TLK1: variants seen among roughly 807,000 people sequenced by gnomAD.
TLK1 encodes the protein serine/threonine-protein kinase tousled-like 1.
TLK1 carries 24 observed loss-of-function variants against 105.3 expected under a neutral mutation model. That is an observed-to-expected ratio of 0.23 (90% confidence interval 0.17 to 0.32). The LOEUF (loss-of-function observed/expected upper bound fraction) is 0.32. Ranked by LOEUF, TLK1 falls within the 10% of genes least tolerant of loss-of-function variation. The probability of loss-of-function intolerance (pLI) is 1.00; values close to 1 mark genes in which losing one functional copy is unlikely to be tolerated. For missense variants in TLK1, 558 were observed against 910.5 expected (o/e 0.61, Z 4.98); for synonymous variants, 321 against 310.4 (o/e 1.03, Z -0.36).
Position 171,053,773 on chromosome 2 carries a change from A to T in TLK1, c.720T>A (p.Asp240Glu), listed in dbSNP as rs1428709705. ...ACTCATTACTTACCCTGAGCAAATCATCTATACGTCCCTCCTTCTTTTCCA... is the reference window on the plus strand; with the variant it reads ...ACTCATTACTTACCCTGAGCAAATCTTCTATACGTCCCTCCTTCTTTTCCA... ...QDLEKKEGRI[D>E]DLLRANCDLR... The change falls in exon 8 of 21, where the codon GAT (aspartate) becomes GAA (glutamate). Residue 240 changes from aspartate (D) to glutamate (E), a missense_variant. By Grantham distance (45) the Asp-to-Glu change is conservative (BLOSUM62 2). This residue lies in a region of TLK1 where 196 missense variants were observed against 239.3 expected (regional missense o/e 0.82). Transcript: ENST00000431350. 1 of 1,606,660 alleles carries T rather than the reference A, an allele frequency of 6.2e-7. No individual in the cohort carries two copies. Among genetic ancestry groups the T allele is most frequent in the African/African-American group, 1.3e-5 (1 of 74,540 alleles).
At chr2:171,195,017 G>A (rs1322320711) in intron 1 of TLK1, among the ~76,000 whole-genome samples, 1 of 152,060 alleles carries the variant, frequency 6.6e-6, no homozygotes, top group Admixed American at 6.6e-5. Flanking sequence ...AATGCAGAAT[G>A]TCTGTGGCTG....
rs1683824102 is a variant in TLK1, at chr2:170,992,452, T to G, written c.*1328A>C. The G allele has an allele frequency of 6.6e-6, 1 of 152,612 alleles. No homozygotes were observed. Among genetic ancestry groups the G allele is most frequent in the South Asian group, 2.1e-4 (1 of 4,836 alleles). The allele number at this position is 152,612 out of a possible 1,614,324, so 9.5% of individuals were successfully genotyped here. ...TCCTGAAAAATATTGGTTTCTACCC[T>G]ACGAGGCAGTTAGAAAACGTTCACA... On this transcript the variant is annotated 3_prime_UTR_variant, in exon 21 of 21. Coordinates refer to ENST00000431350, the MANE Select transcript of TLK1 (RefSeq NM_012290.5).
chr2:171,036,886 G>A (rs189422850), intron 11 of TLK1, among the ~76,000 whole-genome samples: 1 of 152,230 alleles, frequency 6.6e-6, no homozygotes, highest in Non-Finnish European at 1.5e-5. Context: ...GTGAATCTTT[G>A]GGGGTCAGTA....
intron 1 of TLK1, among the ~76,000 whole-genome samples, chr2:171,225,553 C>G (rs1024058015): frequency 7.2e-5 from 11 of 152,148 alleles, no homozygotes; most frequent in African/African-American, 2.7e-4. Flanking sequence ...CTTTGGAAAA[C>G]AGTCTTGTAG....
chr2:171,198,461 A>G (rs974641490), intron 1 of TLK1, among the ~76,000 whole-genome samples: 2 of 152,238 alleles, frequency 1.3e-5, no homozygotes, highest in African/African-American at 4.8e-5. Context: ...TTCAATAGAA[A>G]TATTAGCCCA....
chr2:171,021,927 G>A (rs1372135635), intron 12 of TLK1, among the ~76,000 whole-genome samples: 2 of 151,716 alleles, frequency 1.3e-5, no homozygotes, highest in Admixed American at 6.6e-5. Flanking sequence ...GTGAAACCCC[G>A]TTTCTACTAA....
intron 18 of TLK1, among the ~76,000 whole-genome samples, chr2:171,005,844 C>T (rs1227767780): frequency 6.6e-6 from 1 of 152,112 alleles, no homozygotes; most frequent in Non-Finnish European, 1.5e-5. Flanking sequence ...GAACATCACG[C>T]TAACATTGTA....
intron 20 of TLK1, 117 bp downstream of exon 20, chr2:170,996,536 G>T: frequency 1.4e-6 from 1 of 737,104 alleles, no homozygotes; most frequent in Non-Finnish European, 2.2e-6. Flanking sequence ...CTGCTGGACA[G>T]ATCCCCTGCA....
chr2:170,992,816 A>C lies in TLK1; in HGVS notation c.*964T>G, dbSNP rs1432442395. 1.3e-5 allele frequency: 2 copies of C among 152,646 alleles called. No homozygotes were observed. Among genetic ancestry groups the C allele is most frequent in the Non-Finnish European group, 2.9e-5 (2 of 68,028 alleles). The allele number at this position is 152,646 out of a possible 1,614,324, so 9.5% of individuals were successfully genotyped here. ...CTTAAAAAAAATACAATATCCAATT[A>C]GAAAAGCCATATTTTAAACATTTGT... On this transcript the variant is annotated 3_prime_UTR_variant, in exon 21 of 21. Coordinates refer to ENST00000431350, the MANE Select transcript of TLK1 (RefSeq NM_012290.5).
At position 171,015,264 on chromosome 2, in the gene TLK1, G is replaced by A. The variant is rs938814369; in HGVS notation, c.1237-316C>T. On this transcript the variant is annotated intron_variant, in intron 12 of 20. Transcript: ENST00000431350. ...GTTGAAAACTGACATAACATAAAAT[G>A]AGCCATTTCTAGTCCATGCAAATTT... Among the ~76,000 whole-genome samples, 4 of 150,032 alleles carry A rather than the reference G, an allele frequency of 2.7e-5. No individual in the cohort carries two copies. In the Admixed American group the frequency reaches 2.7e-4, roughly 10 times the overall value.
At chr2:171,146,322 A>G (rs1358430216) in intron 1 of TLK1, among the ~76,000 whole-genome samples, 2 of 152,182 alleles carry the variant, frequency 1.3e-5, no homozygotes, top group Non-Finnish European at 2.9e-5. Flanking sequence ...AGACTCTGTA[A>G]GAATGTGATT....
At chr2:171,015,977 C>G (rs1243374354) in intron 12 of TLK1, among the ~76,000 whole-genome samples, 1 of 151,506 alleles carries the variant, frequency 6.6e-6, no homozygotes, top group East Asian at 2.0e-4. Flanking sequence ...ACTTGGGAGG[C>G]TGAGGCAGGA....
intron 2 of TLK1, among the ~76,000 whole-genome samples, chr2:171,116,581 T>G (rs974632325): frequency 5.9e-5 from 9 of 151,790 alleles, no homozygotes; most frequent in African/African-American, 2.2e-4. Context: ...GCACCTGTAA[T>G]CCCAGCTACT....
At chr2:171,168,152 T>A (rs1228134785) in intron 1 of TLK1, among the ~76,000 whole-genome samples, 42 of 152,108 alleles carry the variant, frequency 2.8e-4, no homozygotes, top group Non-Finnish European at 8.8e-5. Flanking sequence ...TCGTAAAAAA[T>A]ATCAAATATC....
chr2:171,166,446 C>A (rs1692611936), intron 1 of TLK1, among the ~76,000 whole-genome samples: 1 of 152,262 alleles, frequency 6.6e-6, no homozygotes, highest in Admixed American at 6.5e-5. Flanking sequence ...AAATGCCCCA[C>A]CACCCCTTCA....
chr2:171,187,235 T>C (rs1360961852), intron 1 of TLK1, among the ~76,000 whole-genome samples: 2 of 151,650 alleles, frequency 1.3e-5, no homozygotes, highest in African/African-American at 4.8e-5. Context: ...TCTCTAGGAG[T>C]CTCCCTTGCA....
chr2:171,169,428 A>G (rs1187356280), intron 1 of TLK1, among the ~76,000 whole-genome samples: 1 of 152,202 alleles, frequency 6.6e-6, no homozygotes, highest in African/African-American at 2.4e-5. Flanking sequence ...ATCATATAAA[A>G]TGTGTATAAC....
chr2:171,045,718 T>C (rs1686931116), intron 11 of TLK1: 2 of 152,804 alleles, frequency 1.3e-5, no homozygotes, highest in Admixed American at 1.3e-4. Context: ...GAATAATTCA[T>C]TAACAAAGAA....
chr2:171,223,509 T>C (rs970359851), intron 1 of TLK1, among the ~76,000 whole-genome samples: 6 of 142,392 alleles, frequency 4.2e-5, no homozygotes, highest in African/African-American at 1.3e-4. Context: ...GGAAGGACTC[T>C]TACTCTGTTG....
Sources: gnomAD v4.1 joint callset for allele counts (sites outside exome capture counted in the v4.1 genomes callset) on GRCh38, gnomAD v4.1.1 for gene constraint, gnomAD v4.1.1 regional missense constraint, MANE v1.5 for transcripts, NCBI Gene and HGNC (gene_info 2026-07-23, HGNC 2026-07-21) for gene names.